USP7: variants seen among roughly 807,000 people sequenced by gnomAD.
USP7 encodes the protein ubiquitin specific peptidase 7.
Under a neutral mutation model 162.9 loss-of-function variants are expected in USP7, and 9 were observed. That is an observed-to-expected ratio of 0.06 (90% CI 0.03 to 0.10). The LOEUF is 0.10. Ranked by LOEUF, USP7 falls within the 10% of genes least tolerant of loss-of-function variation. The pLI is 1.00. For missense variants in USP7, 715 were observed against 1,373.7 expected (o/e 0.52, Z 7.58); for synonymous variants, 562 against 475.9 (o/e 1.18, Z -2.35).
At chr16:8,908,255 A>C in intron 12 of USP7, 86 bp downstream of exon 12, 1 of 1,099,786 alleles carries the variant, frequency 9.1e-7, no homozygotes, top group Admixed American at 1.9e-5. Flanking sequence ...GGGACTGAAA[A>C]TATAAAGACT....
At chr16:8,913,576 C>A (rs556374158) in intron 10 of USP7, among the ~76,000 whole-genome samples, 1 of 152,098 alleles carries the variant, frequency 6.6e-6, no homozygotes, top group African/African-American at 2.4e-5. Context: ...AAATGTCTTT[C>A]ACAACTGCAG....
intron 1 of USP7, chr16:8,936,616 C>G (rs868004284): frequency 6.4e-7 from 1 of 1,557,772 alleles, no homozygotes; most frequent in East Asian, 2.3e-5. Flanking sequence ...CCAGCCATCT[C>G]TGCATGGCTC....
Position 8,897,824 on chromosome 16 carries a change from A to G in USP7, c.2718+536T>C, listed in dbSNP as rs1198857108. On this transcript the variant is annotated intron_variant, in intron 25 of 30. Coordinates refer to ENST00000344836, the MANE Select transcript of USP7 (RefSeq NM_003470.3). ...TGAGGTGGGAGGATCACTTGAGCCCAGGAGGTCTACGCTGTCGTGGGCTGT... is the reference window on the plus strand; with the variant it reads ...TGAGGTGGGAGGATCACTTGAGCCCGGGAGGTCTACGCTGTCGTGGGCTGT... Among the ~76,000 whole-genome samples the G allele has an allele frequency of 4.8e-5, 7 of 146,900 alleles. No homozygotes were observed. The Admixed American group carries it at 4.8e-4, about 10-fold the overall frequency.
intron 1 of USP7, among the ~76,000 whole-genome samples, chr16:8,947,228 A>G (rs925869145): frequency 3.3e-5 from 5 of 152,238 alleles, no homozygotes; most frequent in Admixed American, 3.3e-4. Context: ...ATGTAAAGCA[A>G]TGCCATTCCT....
Position 8,905,030 on chromosome 16 carries a change from G to A in USP7, c.1573+157C>T, listed in dbSNP as rs112378910. ...TTACTTGGTACCATAAGTCTGCATC[G>A]AAACGCGCAAGCCCAACCCTGCTCA... On this transcript the variant is annotated intron_variant, in intron 14 of 30. Coordinates refer to ENST00000344836, the MANE Select transcript of USP7 (RefSeq NM_003470.3). 5.5e-4 allele frequency among the ~76,000 whole-genome samples: 84 copies of A among 152,250 alleles called. 1 individual carries two copies. In the South Asian group the frequency reaches 0.016, roughly 29 times the overall value.
At chr16:8,913,084 G>A (rs987154988) in intron 10 of USP7, among the ~76,000 whole-genome samples, 7 of 152,154 alleles carry the variant, frequency 4.6e-5, no homozygotes, top group Non-Finnish European at 1.0e-4. Flanking sequence ...GGCTGGGCAC[G>A]GTGGCTCACA....
At chr16:8,952,275 A>G (rs1899589006) in intron 1 of USP7, among the ~76,000 whole-genome samples, 1 of 152,046 alleles carries the variant, frequency 6.6e-6, no homozygotes, top group Non-Finnish European at 1.5e-5. Flanking sequence ...AAATTCAGTA[A>G]CCACTACTTT....
At chr16:8,915,407 C>T in intron 9 of USP7, 38 bp downstream of exon 9, 1 of 1,612,372 alleles carries the variant, frequency 6.2e-7, no homozygotes, top group Non-Finnish European at 8.5e-7. Context: ...CATTCTAAAA[C>T]CTTTAAAAAT....
intron 3 of USP7, among the ~76,000 whole-genome samples, chr16:8,922,082 A>AACAAACCTAGCCC (rs1342816341): frequency 6.6e-6 from 1 of 152,210 alleles, no homozygotes; most frequent in Non-Finnish European, 1.5e-5. Context: ...ATCGGACTAA[A>AACAAACCTAGCCC]ACAAACCTAG....
At chr16:8,936,620 A>T in intron 1 of USP7, 1 of 1,559,012 alleles carries the variant, frequency 6.4e-7, no homozygotes. Context: ...CCATCTCTGC[A>T]TGGCTCTGCA....
chr16:8,955,449 G>A (rs1271109429), intron 1 of USP7, among the ~76,000 whole-genome samples: 4 of 151,986 alleles, frequency 2.6e-5, no homozygotes, highest in Non-Finnish European at 4.4e-5. Flanking sequence ...ATGGCCAGGC[G>A]CAGTGGCTCA....
rs1438556644 is a variant in USP7 at position 8,926,680 on chromosome 16, T to C, written c.185-3267A>G. On this transcript the variant is annotated intron_variant, in intron 2 of 30. Coordinates refer to ENST00000344836, the MANE Select transcript of USP7 (RefSeq NM_003470.3). Reference sequence around the variant, plus strand: ...TTTTGCAACTTCCAAGTATGCTAGGTATTAGCAAGGACACCCACATTCACT... The same window carrying C: ...TTTTGCAACTTCCAAGTATGCTAGGCATTAGCAAGGACACCCACATTCACT... 2.0e-5 allele frequency among the ~76,000 whole-genome samples: 3 copies of C among 152,298 alleles called. No homozygotes were observed. In the East Asian group the frequency reaches 5.8e-4, roughly 29 times the overall value.
At chr16:8,894,223 G>T in intron 30 of USP7, 119 bp from the exon 31 acceptor site, 1 of 942,104 alleles carries the variant, frequency 1.1e-6, no homozygotes. Flanking sequence ...TCGCAGGGAA[G>T]CCAGGACCTG....
At chr16:8,908,606 T>C (rs1413922716) in intron 11 of USP7, among the ~76,000 whole-genome samples, 156 bp from the exon 12 acceptor site, 1 of 152,226 alleles carries the variant, frequency 6.6e-6, no homozygotes, top group Admixed American at 6.5e-5. Context: ...CTTTGAAATG[T>C]TTTCTTTAGG....
At chr16:8,932,836 A>G (rs1372671025) in intron 1 of USP7, among the ~76,000 whole-genome samples, 1 of 152,194 alleles carries the variant, frequency 6.6e-6, no homozygotes, top group African/African-American at 2.4e-5. Context: ...AAGATGAAAA[A>G]TTTTTAAGAA....
rs1012155642 is a variant in USP7, at chr16:8,925,464, C to G, written c.185-2051G>C. On this transcript the variant is annotated intron_variant, in intron 2 of 30. Coordinates refer to ENST00000344836, the MANE Select transcript of USP7 (RefSeq NM_003470.3). ...CTATTTTATATAATTCAGCTCTTTA[C>G]AGGGTTTGATTTTATGTATACAAAA... Among the ~76,000 whole-genome samples, 3 of 152,192 alleles carry G rather than the reference C, an allele frequency of 2.0e-5. No homozygotes were observed. In the East Asian group the frequency reaches 5.8e-4, roughly 29 times the overall value.
chr16:8,930,411 AAAG>A lies in USP7; in HGVS notation c.80-17_80-15del. On this transcript the variant is annotated splice_polypyrimidine_tract_variant and intron_variant, in intron 1 of 30. Transcript: ENST00000344836. ...CTGTATCTCCCGCTTTAAAGAAGAA[AAAG>A]AAATTCCACGGGTTTTACATTCATG... The A allele has an allele frequency of 6.3e-7, 1 of 1,593,194 alleles. No individual in the cohort carries two copies. The highest frequency in any genetic ancestry group is 8.6e-7 in the Non-Finnish European group (1 of 1,168,874).
chr16:8,942,265 C>CT (rs1899081935), intron 1 of USP7, among the ~76,000 whole-genome samples: 1 of 152,212 alleles, frequency 6.6e-6, no homozygotes, highest in Non-Finnish European at 1.5e-5. Context: ...CTGGGACACT[C>CT]GGAGTGACTG....
intron 1 of USP7, among the ~76,000 whole-genome samples, chr16:8,939,821 C>T (rs753750730): frequency 2.6e-5 from 4 of 152,214 alleles, no homozygotes; most frequent in Non-Finnish European, 4.4e-5. Context: ...TGTTTCTGGC[C>T]GAGCGCAGTG....
Sources: gnomAD v4.1 joint callset for allele counts (sites outside exome capture counted in the v4.1 genomes callset) on GRCh38, gnomAD v4.1.1 for gene constraint, MANE v1.5 for transcripts, NCBI Gene and HGNC (gene_info 2026-07-23, HGNC 2026-07-21) for gene names.